TMEM269: variants seen among roughly 807,000 people sequenced by gnomAD.
The protein encoded by TMEM269 is transmembrane protein 269.
Under a neutral mutation model 15.8 loss-of-function variants are expected in TMEM269, and 12 were observed. The observed-to-expected ratio is 0.76, with a 90% confidence interval of 0.49 to 1.23. The LOEUF (loss-of-function observed/expected upper bound fraction) is 1.23, where lower values mean the gene tolerates loss of function less well. Ranked by LOEUF, TMEM269 falls within the 50% of genes most tolerant of loss-of-function variation. The pLI is 0.00. For synonymous variants in TMEM269, 93 were observed against 99.3 expected, an observed-to-expected ratio of 0.94 and a Z score of 0.38; for missense variants, 211 against 245.4, an observed-to-expected ratio of 0.86 and a Z score of 0.94.
In TMEM269 at chr1:42,789,782, C is replaced by G; in HGVS notation, c.-98-14C>G. The G allele has an allele frequency of 2.8e-6, 4 of 1,428,426 alleles. No homozygotes were observed. Among genetic ancestry groups the G allele is most frequent in the Non-Finnish European group, 3.9e-6 (4 of 1,035,308 alleles). 88.5% of individuals were successfully genotyped at this position (1,428,426 alleles called of 1,614,324 possible). A position where few individuals can be genotyped will look rare whatever the true frequency, so the allele number is the denominator to read the frequency against. ...AACCTTGGGAACCCTTCGCCCCTCT[C>G]TCTTGGGCCCCAGGTAAGGGTACCA... On this transcript the variant is annotated splice_polypyrimidine_tract_variant and intron_variant, in intron 1 of 5. Coordinates refer to ENST00000637012, the MANE Select transcript of TMEM269 (RefSeq NM_001354602.2).
intron 5 of TMEM269, among the ~76,000 whole-genome samples, chr1:42,795,104 C>T (rs1424844237): frequency 1.3e-5 from 2 of 152,140 alleles, no homozygotes; most frequent in South Asian, 2.1e-4. Context: ...GGGTGACCTA[C>T]TTCAGGCTGG....
chr1:42,786,793 C>T (rs1490173756), intron 1 of TMEM269, among the ~76,000 whole-genome samples: 2 of 152,206 alleles, frequency 1.3e-5, no homozygotes, highest in Middle Eastern at 3.2e-3. Context: ...ACATCTTGCC[C>T]CTGGCCAAAC....
At position 42,789,215 on chromosome 1, in the gene TMEM269, G is replaced by A. The variant is rs942031627; in HGVS notation, c.-98-581G>A. On this transcript the variant is annotated intron_variant, in intron 1 of 5. Coordinates refer to ENST00000637012, the MANE Select transcript of TMEM269 (RefSeq NM_001354602.2). Reference sequence around the variant, plus strand: ...TGGGATTACAGGCATGAGCCACCGTGTCCGGCTACACATTCAGTTTTAATC... The same window carrying A: ...TGGGATTACAGGCATGAGCCACCGTATCCGGCTACACATTCAGTTTTAATC... 49 of 566,982 alleles carry A rather than the reference G, an allele frequency of 8.6e-5. No homozygotes were observed. The African/African-American group carries it at 8.8e-4, about 10-fold the overall frequency. The allele number at this position is 566,982 out of a possible 1,614,324, so 35.1% of individuals were successfully genotyped here.
At chr1:42,789,430 C>T in intron 1 of TMEM269, 1 of 1,535,402 alleles carries the variant, frequency 6.5e-7, no homozygotes, top group East Asian at 2.4e-5. Flanking sequence ...GCCCACCTCT[C>T]AGATGGGAGA....
At chr1:42,785,489 C>T (rs1405294471) in intron 1 of TMEM269, among the ~76,000 whole-genome samples, 2 of 152,224 alleles carry the variant, frequency 1.3e-5, no homozygotes, top group Non-Finnish European at 2.9e-5. Context: ...CTGCTTTTCT[C>T]CTCACGTCCA....
chr1:42,789,844 T>C lies in TMEM269; in HGVS notation c.-50T>C, dbSNP rs1425669495. 1.9e-6 allele frequency: 3 copies of C among 1,550,786 alleles called. No homozygotes were observed. The highest frequency in any genetic ancestry group is 2.6e-6 in the Non-Finnish European group (3 of 1,146,860). On this transcript the variant is annotated 5_prime_UTR_variant, in exon 2 of 6. The change abolishes the stop of an existing upstream ORF in the 5' untranslated region. Coordinates refer to ENST00000637012, the MANE Select transcript of TMEM269 (RefSeq NM_001354602.2). The stretch of plus-strand genomic sequence containing the variant: ...AGCCATGACCAGAGCCATTCCCAGA[T>C]AAATGAGGTTTCCTGGAAGGATGTT...
chr1:42,798,010 T>C, intron 5 of TMEM269, 88 bp from the exon 6 acceptor site: 3 of 1,436,266 alleles, frequency 2.1e-6, no homozygotes, highest in South Asian at 1.2e-5. Context: ...AAGTAAAGAA[T>C]GGGAGGGTGG....
chr1:42,798,294 C>T lies in TMEM269; in HGVS notation c.*69C>T, dbSNP rs1175579735. On this transcript the variant is annotated 3_prime_UTR_variant, in exon 6 of 6. Transcript: ENST00000637012. ...TTTGTGTCAGCATATTGGGTCAAGC[C>T]TGCACTAAAGCTTTGTATGTACCTG... The T allele has an allele frequency of 5.2e-6, 8 of 1,529,960 alleles. No individual in the cohort carries two copies. Among genetic ancestry groups the T allele is most frequent in the Non-Finnish European group, 7.0e-6 (8 of 1,142,058 alleles). The allele number at this position is 1,529,960 out of a possible 1,614,324, so 94.8% of individuals were successfully genotyped here.
intron 4 of TMEM269, among the ~76,000 whole-genome samples, chr1:42,794,177 T>C (rs1296029374): frequency 6.6e-6 from 1 of 152,088 alleles, no homozygotes; most frequent in Non-Finnish European, 1.5e-5. Context: ...AGCAGAGACT[T>C]CCTAGGAGCC....
intron 1 of TMEM269, chr1:42,789,203 A>C (rs1653602619): frequency 1.8e-6 from 1 of 548,152 alleles, no homozygotes; most frequent in Admixed American, 3.1e-5. Flanking sequence ...GATTACAGGC[A>C]TGAGCCACCG....
rs1653870715 is a variant in TMEM269 at position 42,800,448 on chromosome 1, T to C, written c.*2223T>C. On this transcript the variant is annotated 3_prime_UTR_variant, in exon 6 of 6. Transcript: ENST00000637012. ...GGGAGAAGGCCAAGACTTTAAAATC[T>C]GCACTTCTCAAATGCATACATGAAG... 1 of 152,210 alleles carries C rather than the reference T, an allele frequency of 6.6e-6. No individual in the cohort carries two copies. The highest frequency in any genetic ancestry group is 2.4e-5 in the African/African-American group (1 of 41,448). 9.4% of individuals were successfully genotyped at this position (152,210 alleles called of 1,614,324 possible).
At chr1:42,787,461 G>A (rs989358819) in intron 1 of TMEM269, among the ~76,000 whole-genome samples, 17 of 151,452 alleles carry the variant, frequency 1.1e-4, no homozygotes, top group African/African-American at 3.9e-4. Context: ...TTAGCCGGGC[G>A]CGGTGGCGGG....
Position 42,788,956 on chromosome 1 carries a change from C to T in TMEM269, c.-98-840C>T, listed in dbSNP as rs138979236. Among the ~76,000 whole-genome samples, 2,197 of 149,240 alleles carry T rather than the reference C, an allele frequency of 0.015. 64 individuals are homozygous for T. Among genetic ancestry groups the T allele is most frequent in the African/African-American group, 0.051 (2,070 of 40,438 alleles). ...TTTTTTTTTTAGACAGAGTCTCACT[C>T]GGTCACCCAGGCTGGAGTGCAGTGG... On this transcript the variant is annotated intron_variant, in intron 1 of 5. Transcript: ENST00000637012. This position sits in a 1 kb window ranked among gnomAD's most constrained non-coding sequence, Gnocchi z 4.0.
chr1:42,791,732 T>C (rs983601792), intron 2 of TMEM269, among the ~76,000 whole-genome samples: 2 of 152,242 alleles, frequency 1.3e-5, no homozygotes, highest in African/African-American at 2.4e-5. Context: ...CCGGGCGCAG[T>C]GGCACATGCC....
At chr1:42,785,137 C>G (rs1047458631) in intron 1 of TMEM269, 55 bp downstream of exon 1, 14 of 152,296 alleles carry the variant, frequency 9.2e-5, no homozygotes, top group Non-Finnish European at 1.5e-5. Flanking sequence ...CGGGTGCTGT[C>G]GGCGACCAGC....
At chr1:42,791,926 T>C (rs779856590) in intron 2 of TMEM269, among the ~76,000 whole-genome samples, 3 of 152,118 alleles carry the variant, frequency 2.0e-5, no homozygotes, top group South Asian at 4.1e-4. Flanking sequence ...CACTTGAACC[T>C]GGGAGGCGGA....
At chr1:42,794,667 T>C (rs1313910673) in intron 5 of TMEM269, 54 bp downstream of exon 5, 1 of 1,244,450 alleles carries the variant, frequency 8.0e-7, no homozygotes, top group Non-Finnish European at 1.2e-6. Context: ...TTATTGCCAC[T>C]GTACCTCACC....
chr1:42,797,106 T>G lies in TMEM269; in HGVS notation c.485-992T>G, dbSNP rs558384728. On this transcript the variant is annotated intron_variant, in intron 5 of 5. Coordinates refer to ENST00000637012, the MANE Select transcript of TMEM269 (RefSeq NM_001354602.2). The surrounding 1 kb of genome is among the most constrained non-coding windows in gnomAD (Gnocchi z 4.9). ...TGTACACATCTAGCAGAATGTCTAG[T>G]GCAAAATAGATATTCCACAAACGTG... Among the ~76,000 whole-genome samples, 4 of 152,202 alleles carry G rather than the reference T, an allele frequency of 2.6e-5. No individual in the cohort carries two copies. The highest frequency in any genetic ancestry group is 5.9e-5 in the Non-Finnish European group (4 of 68,048).
intron 2 of TMEM269, among the ~76,000 whole-genome samples, chr1:42,791,934 G>T (rs1375953705): frequency 1.3e-5 from 2 of 152,114 alleles, no homozygotes; most frequent in African/African-American, 4.8e-5. Context: ...CCTGGGAGGC[G>T]GAGGTTGCAG....
Sources: gnomAD v4.1 joint callset for allele counts (sites outside exome capture counted in the v4.1 genomes callset) on GRCh38, gnomAD v4.1.1 for gene constraint, Gnocchi (gnomAD v3.1) non-coding constraint, MANE v1.5 for transcripts, NCBI Gene and HGNC (gene_info 2026-07-23, HGNC 2026-07-21) for gene names.